Variants in OTUD6B observed in about 807,000 individuals in gnomAD.
OTUD6B encodes deubiquitinase OTUD6B.
A neutral mutation model predicts 36.9 loss-of-function variants in OTUD6B; 41 were observed. The observed-to-expected ratio is 1.11, with a 90% CI of 0.87 to 1.44. OTUD6B has a LOEUF of 1.44. Among genes scored for constraint, OTUD6B ranks in the 40% most tolerant of loss-of-function variants. OTUD6B has a pLI of 0.00. For synonymous variants in OTUD6B, 114 were observed against 114.2 expected, an observed-to-expected ratio of 1.00 and a Z score of 0.01; for missense variants, 356 against 344.8, an observed-to-expected ratio of 1.03 and a Z score of -0.26.
In OTUD6B at chr8:91,071,130, C is replaced by A. The variant is rs1319538996; in HGVS notation, c.83-8C>A. On this transcript the variant is annotated splice_polypyrimidine_tract_variant and splice_region_variant and intron_variant, in intron 1 of 6. Transcript: ENST00000404789. ...GTGTCTGACTTAATGATTTTAATGGCTTTTCAGCCAAAATTCAGGGCATGA... is the reference window on the plus strand; with the variant it reads ...GTGTCTGACTTAATGATTTTAATGGATTTTCAGCCAAAATTCAGGGCATGA... The A allele has an allele frequency of 3.1e-6, 5 of 1,611,750 alleles. No homozygotes were observed. Among genetic ancestry groups the A allele is most frequent in the Admixed American group, 1.7e-5 (1 of 59,460 alleles).
rs779298097 is a variant in OTUD6B, at chr8:91,070,358, G to A, written c.-27G>A. 2 of 1,612,708 alleles carry A rather than the reference G, an allele frequency of 1.2e-6. No individual in the cohort carries two copies. The highest frequency in any genetic ancestry group is 2.7e-5 in the African/African-American group (2 of 74,942). On this transcript the variant is annotated 5_prime_UTR_variant, in exon 1 of 7. Coordinates refer to ENST00000404789, the MANE Select transcript of OTUD6B (RefSeq NM_016023.5). Reference sequence around the variant, plus strand: ...TACTAGCCGGTGCAGGTTTCTTCTAGCGCGTGTGCTGGGGTACCTGGTCGT... The same window carrying A: ...TACTAGCCGGTGCAGGTTTCTTCTAACGCGTGTGCTGGGGTACCTGGTCGT...
At position 91,086,864 on chromosome 8, in the gene OTUD6B, A is replaced by G. The variant is rs1445773111; in HGVS notation, c.*1996A>G. 6.6e-6 allele frequency: 1 copy of G among 152,088 alleles called. No individual in the cohort carries two copies. Among genetic ancestry groups the G allele is most frequent in the African/African-American group, 2.4e-5 (1 of 41,466 alleles). 9.4% of individuals were successfully genotyped at this position (152,088 alleles called of 1,614,324 possible). ...GCAGCATATGCTAATTTACTTTTTC[A>G]TATGATGATGGTCTAATGGAAGTTA... On this transcript the variant is annotated 3_prime_UTR_variant, in exon 7 of 7. Transcript: ENST00000404789.
At chr8:91,081,387 C>A (rs1044595449) in intron 5 of OTUD6B, among the ~76,000 whole-genome samples, 8 of 150,588 alleles carry the variant, frequency 5.3e-5, no homozygotes, top group African/African-American at 1.2e-4. Flanking sequence ...AACAAACAAA[C>A]AAAAAAAACA....
intron 6 of OTUD6B, 115 bp from the exon 7 acceptor site, chr8:91,084,669 C>T (rs1394141566): frequency 4.4e-6 from 5 of 1,127,364 alleles, no homozygotes; most frequent in African/African-American, 1.7e-5. Flanking sequence ...TGAGTGAAAC[C>T]CATGTGGACT....
rs140906268 is a variant in OTUD6B at position 91,073,899 on chromosome 8, A to G, written c.303A>G (p.Ala101=). 2.4e-5 allele frequency: 38 copies of G among 1,589,736 alleles called. No homozygotes were observed. The African/African-American group carries it at 4.8e-4, about 20-fold the overall frequency. The change falls in exon 3 of 7, where the codon GCA becomes GCG. Residue 101 remains alanine, a synonymous_variant. Transcript: ENST00000404789. ...ATCAGCCACCTCGGATATCAAAAGC[A>G]CAAAAGAGACGGGTATGAAAGTCAT... ...LENQPPRISK[A]QKRREKKAAL...
rs764962448 is a variant in OTUD6B at position 91,071,180 on chromosome 8, A to G, written c.125A>G (p.Lys42Arg). The stretch of plus-strand genomic sequence containing the variant: ...AAGAATGCTGTTCCCAAGAATGACA[A>G]GAAGAGGAGGAAGCAACTCACCGAA... ...GMKNAVPKND[K>R]KRRKQLTEDV... The change falls in exon 2 of 7, where the codon AAG becomes AGG. Residue 42 changes from lysine to arginine, a missense_variant. By Grantham distance (26) the Lys-to-Arg change is conservative. Coordinates refer to ENST00000404789, the MANE Select transcript of OTUD6B (RefSeq NM_016023.5). The G allele has an allele frequency of 8.1e-6, 13 of 1,613,704 alleles. No homozygotes were observed. Among genetic ancestry groups the G allele is most frequent in the South Asian group, 1.1e-5 (1 of 91,014 alleles).
chr8:91,084,722 A>C, intron 6 of OTUD6B, 62 bp from the exon 7 acceptor site: 2 of 1,250,792 alleles, frequency 1.6e-6, no homozygotes, highest in Non-Finnish European at 2.1e-6. Flanking sequence ...TATAATAAGC[A>C]TATATATATA....
At chr8:91,070,585 G>A in intron 1 of OTUD6B, 119 bp downstream of exon 1, 9 of 907,288 alleles carry the variant, frequency 9.9e-6, no homozygotes, top group Non-Finnish European at 1.3e-5. Flanking sequence ...ACTTCCCCTA[G>A]TAGCAAGTGG....
chr8:91,084,932 G>A lies in OTUD6B; in HGVS notation c.*64G>A. 1 of 786,536 alleles carries A rather than the reference G, an allele frequency of 1.3e-6. No individual in the cohort carries two copies. The highest frequency in any genetic ancestry group is 3.1e-5 in the East Asian group (1 of 31,748). The allele number at this position is 786,536 out of a possible 1,614,324, so 48.7% of individuals were successfully genotyped here. On this transcript the variant is annotated 3_prime_UTR_variant, in exon 7 of 7. Transcript: ENST00000404789. ...GCTGAACTGAGTATTTCTACCAAGTGTTGGGTTGTTCTAAATGCTACTGAA... is the reference window on the plus strand; with the variant it reads ...GCTGAACTGAGTATTTCTACCAAGTATTGGGTTGTTCTAAATGCTACTGAA...
rs1812660908 is a variant in OTUD6B, at chr8:91,070,362, G to GT, written c.-22dup. On this transcript the variant is annotated 5_prime_UTR_variant, in exon 1 of 7. Transcript: ENST00000404789. ...AGCCGGTGCAGGTTTCTTCTAGCGC[G>GT]TGTGCTGGGGTACCTGGTCGTCATG... The GT allele has an allele frequency of 6.2e-7, 1 of 1,612,384 alleles. No homozygotes were observed. The highest frequency in any genetic ancestry group is 8.5e-7 in the Non-Finnish European group (1 of 1,179,242).
intron 3 of OTUD6B, among the ~76,000 whole-genome samples, chr8:91,076,908 T>C (rs972209785): frequency 2.6e-5 from 4 of 152,110 alleles, no homozygotes; most frequent in African/African-American, 9.7e-5. Context: ...TAGGGAGATA[T>C]TACTGCTTTT....
In OTUD6B at chr8:91,078,555, G is replaced by A; in HGVS notation, c.515G>A (p.Cys172Tyr). 6.2e-7 allele frequency: 1 copy of A among 1,608,992 alleles called. No homozygotes were observed. ...GAAGATCAACTGAAAGAAAAGGATTGTGCTCTGACTGTGGTTGCCTTGAGA... is the reference window on the plus strand; with the variant it reads ...GAAGATCAACTGAAAGAAAAGGATTATGCTCTGACTGTGGTTGCCTTGAGA... Reference protein sequence around the residue: ...AIEDQLKEKDCALTVVALRSQ... With the variant: ...AIEDQLKEKDYALTVVALRSQ... Residue 172 changes from cysteine to tyrosine, a missense_variant, in exon 4 of 7, where the codon TGT becomes TAT. By Grantham distance (194) the Cys-to-Tyr change is radical. Transcript: ENST00000404789.
chr8:91,083,923 T>C, intron 5 of OTUD6B, 85 bp from the exon 6 acceptor site: 1 of 1,522,996 alleles, frequency 6.6e-7, no homozygotes, highest in Non-Finnish European at 8.8e-7. Context: ...AGCGTATCCC[T>C]GCTCTGACTG....
chr8:91,077,386 A>G (rs1194075090), intron 3 of OTUD6B, among the ~76,000 whole-genome samples: 4 of 152,006 alleles, frequency 2.6e-5, no homozygotes, highest in Admixed American at 2.0e-4. Context: ...TTATATGCCT[A>G]TGCTTTTTGC....
chr8:91,074,900 G>A (rs1812774475), intron 3 of OTUD6B, among the ~76,000 whole-genome samples: 1 of 147,130 alleles, frequency 6.8e-6, no homozygotes, highest in African/African-American at 2.7e-5. Flanking sequence ...CTATAAAACG[G>A]GGGCAAATTA....
intron 5 of OTUD6B, among the ~76,000 whole-genome samples, chr8:91,081,533 T>C: frequency 6.6e-6 from 1 of 151,642 alleles, no homozygotes; most frequent in East Asian, 1.9e-4. Flanking sequence ...CCTCCCAAGC[T>C]TGAGTTTCTT....
At chr8:91,071,979 G>A (rs1422395930) in intron 2 of OTUD6B, among the ~76,000 whole-genome samples, 1 of 152,124 alleles carries the variant, frequency 6.6e-6, no homozygotes, top group Non-Finnish European at 1.5e-5. Flanking sequence ...TACACTCTAA[G>A]CACAGGTTTT....
At chr8:91,070,877 C>T (rs1812680810) in intron 1 of OTUD6B, 1 of 205,818 alleles carries the variant, frequency 4.9e-6, no homozygotes, top group Non-Finnish European at 8.5e-6. Context: ...TTAAAACTGG[C>T]TACAGTCAGG....
At chr8:91,075,698 T>C (rs1243432548) in intron 3 of OTUD6B, among the ~76,000 whole-genome samples, 1 of 152,090 alleles carries the variant, frequency 6.6e-6, no homozygotes, top group Non-Finnish European at 1.5e-5. Flanking sequence ...ATTAATGGGA[T>C]TTTAGAACAG....
Sources: allele counts gnomAD v4.1 joint callset (sites outside exome capture counted in the v4.1 genomes callset), GRCh38; gene constraint gnomAD v4.1.1; transcripts MANE v1.5; gene names NCBI Gene and HGNC (gene_info 2026-07-23, HGNC 2026-07-21).